The following GALNS variants were observed in gnomAD, a reference collection of about 807,000 sequenced individuals.
GALNS encodes N-acetylgalactosamine-6-sulfatase.
GALNS carries 65 observed loss-of-function variants against 65.9 expected under a neutral mutation model. The ratio of observed to expected loss-of-function variants is 0.99; its 90% CI spans 0.81 to 1.21. The LOEUF (loss-of-function observed/expected upper bound fraction) is 1.21, where lower values mean the gene tolerates loss of function less well. GALNS is among the 50% of genes most tolerant of loss of function. GALNS has a pLI of 0.00. For synonymous variants in GALNS, 346 were observed against 288.9 expected (o/e 1.20, Z -2.00); for missense variants, 776 against 700.7 (o/e 1.11, Z -1.21).
intron 13 of GALNS, chr16:88,816,787 G>A (rs1909673392): frequency 1.0e-6 from 1 of 985,346 alleles, no homozygotes; most frequent in Admixed American, 6.1e-5. Flanking sequence ...CCTGGAAAGA[G>A]GCTTCAGCTG....
chr16:88,851,511 A>G (rs373524125), intron 1 of GALNS, among the ~76,000 whole-genome samples: 9 of 152,236 alleles, frequency 5.9e-5, no homozygotes, highest in African/African-American at 2.2e-4. Flanking sequence ...GACTGGTTGG[A>G]CAGTGAGTGC....
At chr16:88,856,344 C>G in intron 1 of GALNS, 2 of 702,510 alleles carry the variant, frequency 2.8e-6, no homozygotes, top group Non-Finnish European at 5.2e-6. Flanking sequence ...GGAGCAGCCT[C>G]TTCCTCCCTT....
At chr16:88,855,095 G>T (rs1291257762) in intron 1 of GALNS, 1 of 456,994 alleles carries the variant, frequency 2.2e-6, no homozygotes, top group Non-Finnish European at 4.2e-6. Context: ...CTATTTACCG[G>T]GAGCCACATT....
intron 13 of GALNS, chr16:88,817,001 C>A: frequency 2.0e-6 from 2 of 985,482 alleles, no homozygotes; most frequent in Non-Finnish European, 2.4e-6. Context: ...CCAGGAGCGA[C>A]ACCGCAGACC....
At chr16:88,852,917 T>C (rs1967574844) in intron 1 of GALNS, among the ~76,000 whole-genome samples, 1 of 152,076 alleles carries the variant, frequency 6.6e-6, no homozygotes, top group African/African-American at 2.4e-5. Context: ...ATCGAGCTAC[T>C]GCACTCCAGC....
At chr16:88,820,772 C>T (rs1258548272) in intron 12 of GALNS, among the ~76,000 whole-genome samples, 7 of 152,208 alleles carry the variant, frequency 4.6e-5, no homozygotes, top group African/African-American at 9.7e-5. Context: ...ATGCCAATCA[C>T]GCCCAGTGGA....
intron 10 of GALNS, among the ~76,000 whole-genome samples, chr16:88,825,927 A>G (rs1910847021): frequency 6.6e-6 from 1 of 152,182 alleles, no homozygotes; most frequent in Admixed American, 6.5e-5. Context: ...AGCCTTTGGA[A>G]TCCTCATCCC....
intron 1 of GALNS, among the ~76,000 whole-genome samples, chr16:88,846,598 C>T: frequency 6.8e-6 from 1 of 147,826 alleles, no homozygotes; most frequent in East Asian, 2.0e-4. Context: ...GCAACCTTTG[C>T]CTGCACGATC....
At chr16:88,837,367 C>T (rs1912247431) in intron 5 of GALNS, among the ~76,000 whole-genome samples, 1 of 152,186 alleles carries the variant, frequency 6.6e-6, no homozygotes, top group Non-Finnish European at 1.5e-5. Flanking sequence ...TGCTGGGGGC[C>T]TTCCTCTCTC....
chr16:88,815,494 C>T (rs1226852034), intron 13 of GALNS: 1 of 985,376 alleles, frequency 1.0e-6, no homozygotes, highest in African/African-American at 1.7e-5. Flanking sequence ...CACAGTGCAG[C>T]CTTGCTTAGC....
intron 8 of GALNS, among the ~76,000 whole-genome samples, chr16:88,833,666 G>A (rs1911759946): frequency 6.6e-6 from 1 of 152,038 alleles, no homozygotes; most frequent in Non-Finnish European, 1.5e-5. Context: ...TAGCCAGGAT[G>A]GTCTCGACCT....
intron 2 of GALNS, chr16:88,842,327 C>T (rs1967014104): frequency 2.0e-6 from 1 of 510,602 alleles, no homozygotes. Flanking sequence ...ATCAACACCA[C>T]ATGTTTCTGT....
intron 1 of GALNS, among the ~76,000 whole-genome samples, chr16:88,852,827 C>T (rs1043271502): frequency 2.6e-5 from 4 of 152,130 alleles, no homozygotes; most frequent in East Asian, 1.9e-4. Flanking sequence ...TGGTGATGGG[C>T]GGCTATAATC....
At chr16:88,822,562 C>A in intron 12 of GALNS, 27 bp downstream of exon 12, 1 of 1,611,786 alleles carries the variant, frequency 6.2e-7, no homozygotes, top group Admixed American at 1.7e-5. Context: ...ACTGCCTCAG[C>A]AGCCAGGAGG....
Position 88,847,167 on chromosome 16 carries a change from C to T in GALNS, c.121-4338G>A, listed in dbSNP as rs374473384. 4.2e-4 allele frequency among the ~76,000 whole-genome samples: 64 copies of T among 152,068 alleles called. 1 individual carries two copies. In the South Asian group the frequency reaches 0.012, roughly 30 times the overall value. On this transcript the variant is annotated intron_variant, in intron 1 of 13. Coordinates refer to ENST00000268695, the MANE Select transcript of GALNS (RefSeq NM_000512.5). ...AAGTCTCTGAAATACTTTTCTCTCTCGTTGACCAGCCTGGGCAACAAGGTG... is the reference window on the plus strand; with the variant it reads ...AAGTCTCTGAAATACTTTTCTCTCTTGTTGACCAGCCTGGGCAACAAGGTG...
At chr16:88,840,679 A>T in intron 4 of GALNS, 1 of 433,018 alleles carries the variant, frequency 2.3e-6, no homozygotes, top group South Asian at 2.1e-5. Context: ...ACGACGTGGC[A>T]GGAGGCAGCC....
rs1447104655 is a variant in GALNS at position 88,841,745 on chromosome 16, C to T, written c.319+152G>A. 14 of 729,552 alleles carry T rather than the reference C, an allele frequency of 1.9e-5. No homozygotes were observed. In the Admixed American group the frequency reaches 2.4e-4, roughly 13 times the overall value. The allele number at this position is 729,552 out of a possible 1,614,324, so 45.2% of individuals were successfully genotyped here. ...CAGGGAAGGAAGCCAGCTAGGGGGG[C>T]CTGCACTTCCACCTAAGTCCCAGAG... is the stretch of plus-strand genomic sequence containing the variant. On this transcript the variant is annotated intron_variant, in intron 3 of 13. Coordinates refer to ENST00000268695, the MANE Select transcript of GALNS (RefSeq NM_000512.5).
chr16:88,844,893 C>T (rs1019614867), intron 1 of GALNS: 1 of 152,292 alleles, frequency 6.6e-6, no homozygotes, highest in East Asian at 1.9e-4. Context: ...AGCCCTGCCA[C>T]AAGCCAGCAT....
At chr16:88,836,639 G>A (rs1175273422) in intron 5 of GALNS, among the ~76,000 whole-genome samples, 1 of 151,116 alleles carries the variant, frequency 6.6e-6, no homozygotes, top group Non-Finnish European at 1.5e-5. Context: ...GGGTGACAGA[G>A]CAAGATCCTG....
Sources: allele counts gnomAD v4.1 joint callset (sites outside exome capture counted in the v4.1 genomes callset), GRCh38; gene constraint gnomAD v4.1.1; transcripts MANE v1.5; gene names NCBI Gene and HGNC (gene_info 2026-07-23, HGNC 2026-07-21).